Variants in GLIPR1L1 observed in about 807,000 individuals in gnomAD.
GLIPR1L1 encodes GLIPR1-like protein 1.
GLIPR1L1 carries 26 observed loss-of-function variants against 29.9 expected under a neutral mutation model. The observed-to-expected ratio is 0.87, with a 90% confidence interval of 0.64 to 1.21. The LOEUF (loss-of-function observed/expected upper bound fraction) is 1.21. Ranked by LOEUF, GLIPR1L1 falls within the 50% of genes most tolerant of loss-of-function variation. GLIPR1L1 has a pLI of 0.00. For missense variants in GLIPR1L1, 305 were observed against 290.3 expected (o/e 1.05, Z -0.37); for synonymous variants, 77 against 97.5 (o/e 0.79, Z 1.24).
rs1456886547 is a variant in GLIPR1L1 at position 75,367,270 on chromosome 12, A to G, written c.611-2690A>G. Reference sequence around the variant, plus strand: ...CCTAAACAACAACTTCCTAGGAGGAAAAAAAAAAAAAAAAAAAAAAGAACT... The same window carrying G: ...CCTAAACAACAACTTCCTAGGAGGAGAAAAAAAAAAAAAAAAAAAAGAACT... On this transcript the variant is annotated intron_variant, in intron 4 of 5. Transcript: ENST00000378695. 3.4e-4 allele frequency among the ~76,000 whole-genome samples: 7 copies of G among 20,620 alleles called. No individual in the cohort carries two copies. In the African/African-American group the frequency reaches 5.7e-3, roughly 17 times the overall value. 13.5% of individuals were successfully genotyped at this position (20,620 alleles called of 152,430 possible). A position where few individuals can be genotyped will look rare whatever the true frequency, so the allele number is the denominator to read the frequency against.
chr12:75,366,513 A>G (rs151329011), intron 4 of GLIPR1L1, among the ~76,000 whole-genome samples: 3 of 152,302 alleles, frequency 2.0e-5, no homozygotes, highest in African/African-American at 7.2e-5. Context: ...TAGTTTGGGT[A>G]CTAGTAAACC....
intron 1 of GLIPR1L1, among the ~76,000 whole-genome samples, chr12:75,343,258 CTGTT>C (rs950304638): frequency 1.6e-4 from 25 of 152,004 alleles, no homozygotes; most frequent in African/African-American, 5.5e-4. Flanking sequence ...AGATTTTTGT[CTGTT>C]TGTTTGTAGA....
Position 75,370,175 on chromosome 12 carries a change from A to T in GLIPR1L1, c.728A>T (p.Ter243LeuextTer12). ...SLGFLLLRIF[*>L] ...GGTTTTCTTCTTCTGAGAATCTTTT[A>T]ATGTCATTTATATACAAAAGAAATT... Residue 243 changes from the stop codon to leucine, a stop_lost, in exon 6 of 6, where the codon TAA becomes TTA. Coordinates refer to ENST00000378695, the MANE Select transcript of GLIPR1L1 (RefSeq NM_001304964.2). 1 of 1,432,056 alleles carries T rather than the reference A, an allele frequency of 7.0e-7. No homozygotes were observed. The highest frequency in any genetic ancestry group is 9.8e-7 in the Non-Finnish European group (1 of 1,016,778). The allele number at this position is 1,432,056 out of a possible 1,614,324, so 88.7% of individuals were successfully genotyped here. A position where few individuals can be genotyped will look rare whatever the true frequency, so the allele number is the denominator to read the frequency against.
At chr12:75,356,507 A>T (rs781224835) in intron 3 of GLIPR1L1, among the ~76,000 whole-genome samples, 8 of 152,224 alleles carry the variant, frequency 5.3e-5, no homozygotes, top group Non-Finnish European at 1.2e-4. Context: ...TGCACACTAT[A>T]AATTCTAAAG....
At chr12:75,349,067 C>T (rs2042638660) in intron 3 of GLIPR1L1, among the ~76,000 whole-genome samples, 1 of 152,086 alleles carries the variant, frequency 6.6e-6, no homozygotes, top group Non-Finnish European at 1.5e-5. Context: ...GAAAAGAGAA[C>T]TACACACAGA....
At chr12:75,339,568 T>C (rs993915447) in intron 1 of GLIPR1L1, among the ~76,000 whole-genome samples, 3 of 152,224 alleles carry the variant, frequency 2.0e-5, no homozygotes, top group Non-Finnish European at 4.4e-5. Context: ...GATACTTTCT[T>C]TTGCCGTACA....
chr12:75,336,918 A>G (rs1033217908), intron 1 of GLIPR1L1, among the ~76,000 whole-genome samples: 3 of 151,804 alleles, frequency 2.0e-5, no homozygotes, highest in South Asian at 2.1e-4. Context: ...ATTTTGTCCT[A>G]TATCTTCTGA....
chr12:75,349,889 A>C (rs182157077), intron 3 of GLIPR1L1, among the ~76,000 whole-genome samples: 1 of 152,364 alleles, frequency 6.6e-6, no homozygotes, highest in East Asian at 1.9e-4. Context: ...AAAGATAAAA[A>C]GTGTATCAGC....
At chr12:75,359,617 T>C (rs986493460) in intron 3 of GLIPR1L1, among the ~76,000 whole-genome samples, 5 of 152,180 alleles carry the variant, frequency 3.3e-5, no homozygotes, top group African/African-American at 9.6e-5. Flanking sequence ...CATTGTGGTA[T>C]TTGCATAAAG....
chr12:75,350,821 G>A (rs1290744334), intron 3 of GLIPR1L1, among the ~76,000 whole-genome samples: 1 of 152,166 alleles, frequency 6.6e-6, no homozygotes, highest in Non-Finnish European at 1.5e-5. Flanking sequence ...TCTCCAGCAA[G>A]GGCACAGAAC....
At chr12:75,364,935 A>T (rs2043866377) in intron 4 of GLIPR1L1, 1 of 152,114 alleles carries the variant, frequency 6.6e-6, no homozygotes, top group Non-Finnish European at 1.5e-5. Context: ...GAATCAGCAA[A>T]TTATTTATGG....
rs539632107 is a variant in GLIPR1L1 at position 75,370,311 on chromosome 12, T to A, written c.*135T>A. The stretch of plus-strand genomic sequence containing the variant: ...CCTGATACCTAAATTTAATGTTTGT[T>A]TTTAACTCAAAAAATGTACTGTAGT... On this transcript the variant is annotated 3_prime_UTR_variant, in exon 6 of 6. Coordinates refer to ENST00000378695, the MANE Select transcript of GLIPR1L1 (RefSeq NM_001304964.2). The A allele has an allele frequency of 5.3e-6, 3 of 562,148 alleles. No homozygotes were observed. Among genetic ancestry groups the A allele is most frequent in the East Asian group, 5.6e-5 (2 of 35,608 alleles). The allele number at this position is 562,148 out of a possible 1,614,324, so 34.8% of individuals were successfully genotyped here.
intron 1 of GLIPR1L1, among the ~76,000 whole-genome samples, chr12:75,338,423 T>C (rs1032301830): frequency 6.6e-6 from 1 of 152,148 alleles, no homozygotes; most frequent in African/African-American, 2.4e-5. Context: ...CCACTCTTCA[T>C]AGATTCAATG....
chr12:75,340,263 T>A (rs192258531), intron 1 of GLIPR1L1, among the ~76,000 whole-genome samples: 2 of 148,676 alleles, frequency 1.3e-5, no homozygotes, highest in Admixed American at 1.3e-4. Flanking sequence ...GCTATAAACA[T>A]GTGTGTGCTA....
intron 1 of GLIPR1L1, among the ~76,000 whole-genome samples, chr12:75,341,738 G>A (rs1217029848): frequency 1.4e-5 from 2 of 146,282 alleles, no homozygotes; most frequent in Admixed American, 1.4e-4. Context: ...GAGCCACCGC[G>A]CCCGGCCTCT....
At chr12:75,356,759 TG>T (rs1405068525) in intron 3 of GLIPR1L1, among the ~76,000 whole-genome samples, 1 of 152,176 alleles carries the variant, frequency 6.6e-6, no homozygotes, top group Non-Finnish European at 1.5e-5. Context: ...ATTGCACAAT[TG>T]GCTAAGAAAT....
intron 1 of GLIPR1L1, among the ~76,000 whole-genome samples, chr12:75,335,809 G>T (rs2041694080): frequency 6.6e-6 from 1 of 151,946 alleles, no homozygotes; most frequent in Non-Finnish European, 1.5e-5. Flanking sequence ...ATGTTTACCA[G>T]CTTGGGGTTG....
chr12:75,363,703 A>G (rs1455459194), intron 4 of GLIPR1L1, among the ~76,000 whole-genome samples: 1 of 152,196 alleles, frequency 6.6e-6, no homozygotes, highest in Admixed American at 6.6e-5. Context: ...TGTCAACAAA[A>G]TATCAAACTC....
chr12:75,353,539 G>T (rs2042952230), intron 3 of GLIPR1L1, among the ~76,000 whole-genome samples: 2 of 152,170 alleles, frequency 1.3e-5, no homozygotes, highest in Admixed American at 1.3e-4. Context: ...GGACCAGACA[G>T]ATTTACAGCT....
Sources: allele counts gnomAD v4.1 joint callset (sites outside exome capture counted in the v4.1 genomes callset), GRCh38; gene constraint gnomAD v4.1.1; transcripts MANE v1.5; gene names NCBI Gene and HGNC (gene_info 2026-07-23, HGNC 2026-07-21).